The following PDE1C variants were observed in gnomAD, a reference collection of about 807,000 sequenced individuals.
The protein encoded by PDE1C is dual specificity calcium/calmodulin-dependent 3',5'-cyclic nucleotide phosphodiesterase 1C.
A neutral mutation model predicts 93.1 loss-of-function variants in PDE1C; 62 were observed. The ratio of observed to expected loss-of-function variants is 0.67; its 90% confidence interval spans 0.54 to 0.82. The LOEUF is 0.82. Ranked by LOEUF, PDE1C falls within the 40% of genes least tolerant of loss-of-function variation. The pLI is 0.00. For missense variants in PDE1C, 742 were observed against 884.6 expected (o/e 0.84, Z 2.04); for synonymous variants, 325 against 310.1 (o/e 1.05, Z -0.50).
At chr7:31,794,041 TA>T (rs1784924937) in intron 16 of PDE1C, among the ~76,000 whole-genome samples, 1 of 89,590 alleles carries the variant, frequency 1.1e-5, no homozygotes, top group Non-Finnish European at 2.3e-5. Flanking sequence ...GATAGATAGA[TA>T]GACAGACAGA....
chr7:32,395,278 G>A (rs139545916), intron 1 of PDE1C, among the ~76,000 whole-genome samples: 269 of 152,284 alleles, frequency 1.8e-3, no homozygotes, highest in Non-Finnish European at 3.3e-3. Flanking sequence ...GTCAAAACAG[G>A]TACAGGGGGA....
At chr7:31,633,857 T>C in the PDE1C span, among the ~76,000 whole-genome samples, 6 of 152,192 alleles carry the variant, frequency 3.9e-5, no homozygotes, top group Non-Finnish European at 8.8e-5. Flanking sequence ...TCTACACAAC[T>C]TTATCACACT....
rs1192972718 is a variant in PDE1C at position 31,816,053 on chromosome 7, C to T, written c.1684G>A (p.Gly562Ser). 1.2e-6 allele frequency: 2 copies of T among 1,614,008 alleles called. No individual in the cohort carries two copies. The highest frequency in any genetic ancestry group is 3.3e-5 in the Admixed American group (2 of 59,992). The change falls in exon 15 of 18, where the codon GGC becomes AGC. Residue 562 changes from glycine (G) to serine (S), a missense_variant. Transcript: ENST00000396191. ...CCAGACGTCTTTTTCTCAGCTTTGCCAGATGCGCCTTCTTCAGCCTGGCTT... is the reference window on the plus strand; with the variant it reads ...CCAGACGTCTTTTTCTCAGCTTTGCTAGATGCGCCTTCTTCAGCCTGGCTT... The part of the protein sequence containing the change: ...AKSQAEEGAS[G>S]KAEKKTSGET...
intron 2 of PDE1C, among the ~76,000 whole-genome samples, chr7:31,997,538 G>C (rs1784874542): frequency 6.6e-6 from 1 of 152,192 alleles, no homozygotes; most frequent in South Asian, 2.1e-4. Flanking sequence ...GAACCTGGGG[G>C]GATGGTAGCT....
intron 1 of PDE1C, among the ~76,000 whole-genome samples, chr7:32,278,260 A>G (rs1811417127): frequency 6.6e-6 from 1 of 152,202 alleles, no homozygotes; most frequent in Non-Finnish European, 1.5e-5. Context: ...TGTGGAAAAC[A>G]GACTCTCCAA....
chr7:31,873,781 A>G (rs1796220418), intron 5 of PDE1C, among the ~76,000 whole-genome samples: 1 of 152,208 alleles, frequency 6.6e-6, no homozygotes. Flanking sequence ...AAGGTGCGTA[A>G]GTGCTAGAGA....
intron 16 of PDE1C, among the ~76,000 whole-genome samples, chr7:31,793,053 C>T (rs1357330853): frequency 6.6e-6 from 1 of 151,978 alleles, no homozygotes; most frequent in East Asian, 1.9e-4. Context: ...TGTATTTACT[C>T]TATAGGAGCA....
At position 32,348,142 on chromosome 7, in the gene PDE1C, A is replaced by G. The variant is rs577682600; in HGVS notation, c.310+79680T>C. ...AGACTCCATCATCTCATGGCTGCAA[A>G]TGACTTTATGAGGGAAAGAGGACTG... On this transcript the variant is annotated intron_variant, in intron 1 of 1. Coordinates refer to the PDE1C transcript ENST00000672256. 5.9e-5 allele frequency among the ~76,000 whole-genome samples: 9 copies of G among 152,190 alleles called. 1 individual carries two copies. The South Asian group carries it at 1.9e-3, about 32-fold the overall frequency.
chr7:31,772,074 G>T lies in PDE1C; in HGVS notation c.1960+3590C>A, dbSNP rs139243319. Among the ~76,000 whole-genome samples, 577 of 151,658 alleles carry T rather than the reference G, an allele frequency of 3.8e-3. 5 individuals carry two copies. Among genetic ancestry groups the T allele is most frequent in the African/African-American group, 0.013 (552 of 41,380 alleles). On this transcript the variant is annotated intron_variant, in intron 17 of 17. Transcript: ENST00000396191. ...AAAAAAAAAAAAAAGAAGATATTTGGGTTTTGGGTTCTTTCTCTCTCTCGC... is the reference window on the plus strand; with the variant it reads ...AAAAAAAAAAAAAAGAAGATATTTGTGTTTTGGGTTCTTTCTCTCTCTCGC...
At chr7:32,244,890 A>T (rs1214527233) in intron 1 of PDE1C, among the ~76,000 whole-genome samples, 2 of 152,184 alleles carry the variant, frequency 1.3e-5, no homozygotes, top group African/African-American at 4.8e-5. Context: ...CCCACTAAAC[A>T]GTTGGTGAGC....
At chr7:32,011,393 C>T (rs1358962125) in intron 2 of PDE1C, among the ~76,000 whole-genome samples, 9 of 151,980 alleles carry the variant, frequency 5.9e-5, no homozygotes, top group South Asian at 2.1e-4. Flanking sequence ...AGGGTTTTGC[C>T]GTGTTAGCCA....
Position 31,891,805 on chromosome 7 carries a change from T to TACACACACAC in PDE1C, c.129-10955_129-10946dup, listed in dbSNP as rs70989620. 5.7e-3 allele frequency among the ~76,000 whole-genome samples: 840 copies of TACACACACAC among 146,120 alleles called. 13 individuals carry two copies. Among genetic ancestry groups the TACACACACAC allele is most frequent in the African/African-American group, 0.02 (793 of 40,044 alleles). ...TGTTGCACAGAACCAAATGCATTCATACACACACACACACACACACACACA... is the reference window on the plus strand; with the variant it reads ...TGTTGCACAGAACCAAATGCATTCATACACACACACACACACACACACACACACACACACA... On this transcript the variant is annotated intron_variant, in intron 2 of 17. Transcript: ENST00000396191.
intron 3 of PDE1C, among the ~76,000 whole-genome samples, chr7:32,088,277 T>G (rs1393281766): frequency 1.3e-5 from 2 of 152,280 alleles, no homozygotes; most frequent in East Asian, 3.9e-4. Context: ...ATGTAGTGAT[T>G]GGACTTTTTT....
At position 32,230,531 on chromosome 7, in the gene PDE1C, G is replaced by A. The variant is rs575830169; in HGVS notation, c.86-20992C>T. Reference sequence around the variant, plus strand: ...CACAGTAACCACCACCCCCACTCCCGCCAACAAACACTGGAGCTCAGGGAG... The same window carrying A: ...CACAGTAACCACCACCCCCACTCCCACCAACAAACACTGGAGCTCAGGGAG... On this transcript the variant is annotated intron_variant, in intron 1 of 18. Coordinates refer to the PDE1C transcript ENST00000396193. 7.0e-4 allele frequency among the ~76,000 whole-genome samples: 106 copies of A among 151,924 alleles called. 1 individual carries two copies. The highest frequency in any genetic ancestry group is 1.3e-3 in the Non-Finnish European group (87 of 67,990).
At chr7:31,767,260 T>C (rs1795204924) in intron 17 of PDE1C, among the ~76,000 whole-genome samples, 1 of 152,248 alleles carries the variant, frequency 6.6e-6, no homozygotes, top group South Asian at 2.1e-4. Flanking sequence ...TGATATGGTT[T>C]GGATCTGTGT....
intron 2 of PDE1C, among the ~76,000 whole-genome samples, chr7:32,006,325 T>C (rs921768964): frequency 1.3e-5 from 2 of 152,222 alleles, no homozygotes; most frequent in South Asian, 2.1e-4. Context: ...TGGCATTGGC[T>C]GATCAATTTG....
At chr7:31,922,284 T>A (rs1354153366) in intron 2 of PDE1C, among the ~76,000 whole-genome samples, 2 of 152,340 alleles carry the variant, frequency 1.3e-5, no homozygotes, top group East Asian at 3.9e-4. Flanking sequence ...GGAATTGAAC[T>A]GTTAAAATAT....
At chr7:32,165,022 A>G (rs1047678643) in intron 3 of PDE1C, among the ~76,000 whole-genome samples, 2 of 152,250 alleles carry the variant, frequency 1.3e-5, no homozygotes, top group Non-Finnish European at 2.9e-5. Flanking sequence ...TCTATTTTCC[A>G]GGTACCAAAG....
At chr7:32,123,577 TC>T (rs775901379) in intron 3 of PDE1C, among the ~76,000 whole-genome samples, 2 of 152,020 alleles carry the variant, frequency 1.3e-5, no homozygotes, top group Non-Finnish European at 2.9e-5. Flanking sequence ...ACTTAATCCA[TC>T]ACATAAACAG....
Sources: allele counts gnomAD v4.1 joint callset (sites outside exome capture counted in the v4.1 genomes callset), GRCh38; gene constraint gnomAD v4.1.1; transcripts MANE v1.5; gene names NCBI Gene and HGNC (gene_info 2026-07-23, HGNC 2026-07-21).